Variants in PRH1 observed in about 807,000 individuals in gnomAD.
PRH1 encodes proline rich protein HaeIII subfamily 1.
In PRH1, 7 loss-of-function variants were observed where a neutral mutation model predicts 7.9. The observed-to-expected ratio is 0.89, with a 90% CI of 0.50 to 1.67. The LOEUF is 1.67. Ranked by LOEUF, PRH1 falls within the 40% of genes most tolerant of loss-of-function variation. The pLI is 0.00. For synonymous variants in PRH1, 45 were observed against 80.8 expected, an observed-to-expected ratio of 0.56 and a Z score of 2.38; for missense variants, 109 against 223.6, an observed-to-expected ratio of 0.49 and a Z score of 3.27.
chr12:10,972,928 A>ATC (rs1555119295), intron 2 of PRH1, among the ~76,000 whole-genome samples: 3 of 100,324 alleles, frequency 3.0e-5, no homozygotes, highest in African/African-American at 1.1e-4. Context: ...AAGCACCACA[A>ATC]CCCACCCCCC....
chr12:11,094,909 G>A (rs1234403384), intron 1 of PRH1, among the ~76,000 whole-genome samples: 1 of 98,392 alleles, frequency 1.0e-5, no homozygotes, highest in African/African-American at 3.4e-5. Flanking sequence ...CGCATCTCCT[G>A]ATATAAGCAA....
chr12:10,971,206 A>T (rs1405689303), intron 2 of PRH1, among the ~76,000 whole-genome samples: 1 of 151,976 alleles, frequency 6.6e-6, no homozygotes, highest in Non-Finnish European at 1.5e-5. Context: ...CCTCCTCCCT[A>T]CTATCCATAT....
chr12:10,886,297 A>G (rs1186937161), upstream of PRH1, among the ~76,000 whole-genome samples: 1 of 152,226 alleles, frequency 6.6e-6, no homozygotes, highest in Non-Finnish European at 1.5e-5. Context: ...GAGGAGTGCC[A>G]GGCAGATATT....
intron 1 of PRH1, among the ~76,000 whole-genome samples, chr12:11,063,599 T>C (rs768543884): frequency 4.6e-5 from 7 of 152,092 alleles, no homozygotes; most frequent in African/African-American, 7.2e-5. Flanking sequence ...CTAATGTAGT[T>C]TGGAGGGTTT....
upstream of PRH1, among the ~76,000 whole-genome samples, chr12:11,050,860 G>A (rs2597990): frequency 0.83 from 126,371 of 152,248 alleles, 52,719 homozygotes; most frequent in East Asian, 0.96. Context: ...TCCATTCACC[G>A]TGAGAACATC....
chr12:11,140,140 T>C (rs1701470894), intron 1 of PRH1, among the ~76,000 whole-genome samples: 1 of 152,032 alleles, frequency 6.6e-6, no homozygotes, highest in South Asian at 2.1e-4. Flanking sequence ...AATACTCTTT[T>C]CTTATAAGCA....
intron 2 of PRH1, among the ~76,000 whole-genome samples, chr12:10,953,592 TC>T (rs1224499708): frequency 6.6e-6 from 1 of 152,060 alleles, no homozygotes; most frequent in Non-Finnish European, 1.5e-5. Context: ...GCACAAAACC[TC>T]CAAGAAATAT....
intron 1 of PRH1, among the ~76,000 whole-genome samples, chr12:11,013,699 G>A (rs993409385): frequency 6.7e-6 from 1 of 150,196 alleles, no homozygotes; most frequent in African/African-American, 2.4e-5. Flanking sequence ...CTCATTTAGT[G>A]GAAATTCAAG....
chr12:10,892,176 T>C (rs1949582758), intron 2 of PRH1, among the ~76,000 whole-genome samples: 1 of 152,140 alleles, frequency 6.6e-6, no homozygotes, highest in Non-Finnish European at 1.5e-5. Context: ...GCCCTTCTGT[T>C]TGCTCATCAA....
In PRH1 at chr12:11,054,795, CTTTTTTTTTTTTTTTT is replaced by C. The variant is rs71051560; in HGVS notation, n.124-7623_124-7608del. 9.5e-5 allele frequency among the ~76,000 whole-genome samples: 5 copies of C among 52,798 alleles called. No individual in the cohort carries two copies. The East Asian group carries it at 2.9e-3, about 31-fold the overall frequency. 34.6% of individuals were successfully genotyped at this position (52,798 alleles called of 152,430 possible). On this transcript the variant is annotated intron_variant and non_coding_transcript_variant, in intron 1 of 4. Transcript: ENST00000541977. ...TACAGATGCTCAGAATCTGATGTTTCTTTTTTTTTTTTTTTTTTTTTTTTTGAGACGGAGTCTTGCT... is the reference window on the plus strand; with the variant it reads ...TACAGATGCTCAGAATCTGATGTTTCTTTTTTTTTGAGACGGAGTCTTGCT...
At chr12:11,071,432 CAG>C in intron 1 of PRH1, among the ~76,000 whole-genome samples, 1 of 152,338 alleles carries the variant, frequency 6.6e-6, no homozygotes, top group South Asian at 2.1e-4. Flanking sequence ...TGCATAACTT[CAG>C]ATAGTTTGGC....
intron 1 of PRH1, among the ~76,000 whole-genome samples, chr12:11,064,025 G>A (rs560702646): frequency 3.4e-4 from 51 of 152,026 alleles, no homozygotes; most frequent in African/African-American, 1.1e-3. Flanking sequence ...GGGAAATACC[G>A]CAGTGTATCA....
At chr12:11,048,854 C>G (rs991942888), upstream of PRH1, 4 of 275,972 alleles carry the variant, frequency 1.4e-5, no homozygotes, top group African/African-American at 4.5e-5. Flanking sequence ...ACCAAGGGCC[C>G]CAACAGCATC....
intron 1 of PRH1, chr12:10,986,246 A>G: frequency 6.2e-7 from 1 of 1,614,138 alleles, no homozygotes; most frequent in Non-Finnish European, 8.5e-7. Context: ...TCTTCTTGAG[A>G]TGTTTACACA....
intron 1 of PRH1, among the ~76,000 whole-genome samples, chr12:11,121,564 A>G (rs954421035): frequency 4.6e-5 from 7 of 152,218 alleles, no homozygotes; most frequent in African/African-American, 7.2e-5. Context: ...AACTACACAT[A>G]AAAAATTATA....
chr12:11,074,898 C>G (rs66586342), intron 1 of PRH1, among the ~76,000 whole-genome samples: 65,234 of 124,268 alleles, frequency 0.52, 14,408 homozygotes, highest in Non-Finnish European at 0.61. Flanking sequence ...GGAAAAGTAC[C>G]GGGAGCCAAG....
At position 11,094,299 on chromosome 12, in the gene PRH1, C is replaced by CAAAAAAAAAAAAAAA. The variant is rs34742610; in HGVS notation, n.124-47126_124-47112dup. Among the ~76,000 whole-genome samples, 15 of 27,018 alleles carry CAAAAAAAAAAAAAAA rather than the reference C, an allele frequency of 5.6e-4. 1 individual carries two copies. The highest frequency in any genetic ancestry group is 7.9e-4 in the Non-Finnish European group (11 of 14,012). The allele number at this position is 27,018 out of a possible 152,430, so 17.7% of individuals were successfully genotyped here. A position where few individuals can be genotyped will look rare whatever the true frequency, so the allele number is the denominator to read the frequency against. On this transcript the variant is annotated intron_variant and non_coding_transcript_variant, in intron 1 of 4. Coordinates refer to the PRH1 transcript ENST00000541977. ...CCTGAGTGACAGACCAAGACTCTGT[C>CAAAAAAAAAAAAAAA]AAAAAAAAAAAAAAAAAAAAAAAAA...
At chr12:11,162,792 A>C (rs187760444) in intron 1 of PRH1, among the ~76,000 whole-genome samples, 2 of 152,288 alleles carry the variant, frequency 1.3e-5, no homozygotes, top group East Asian at 3.9e-4. Flanking sequence ...GCCTCACCCC[A>C]AACACACACA....
At chr12:11,071,772 G>A (rs1238130078) in intron 1 of PRH1, among the ~76,000 whole-genome samples, 2 of 152,138 alleles carry the variant, frequency 1.3e-5, no homozygotes, top group African/African-American at 4.8e-5. Context: ...ATACATGTCG[G>A]TGTATGTTAT....
Sources: allele counts gnomAD v4.1 joint callset (sites outside exome capture counted in the v4.1 genomes callset), GRCh38; gene constraint gnomAD v4.1.1; transcripts MANE v1.5; gene names NCBI Gene and HGNC (gene_info 2026-07-23, HGNC 2026-07-21).